NOTCH2NLB: variants seen among roughly 807,000 people sequenced by gnomAD.
NOTCH2NLB encodes the protein notch homolog 2 N-terminal-like protein B.
A neutral mutation model predicts 14.8 loss-of-function variants in NOTCH2NLB; 1 was observed. The observed-to-expected ratio is 0.07, with a 90% CI of 0.02 to 0.32. The LOEUF (loss-of-function observed/expected upper bound fraction) is 0.32, where lower values mean the gene tolerates loss of function less well. NOTCH2NLB is among the 10% of genes least tolerant of loss of function. The pLI, the probability that NOTCH2NLB is intolerant of heterozygous loss-of-function variation, is 1.00. For synonymous variants in NOTCH2NLB, 6 were observed against 57.5 expected (o/e 0.10, Z 4.05); for missense variants, 11 against 155.0 (o/e 0.07, Z 4.93).
downstream of NOTCH2NLB, among the ~76,000 whole-genome samples, chr1:148,602,273 AAAAAAAAG>A (rs1355824818): frequency 5.7e-5 from 4 of 69,684 alleles, no homozygotes; most frequent in African/African-American, 2.0e-4. Context: ...AAAAAAAAAA[AAAAAAAAG>A]AAAAGAAAAG....
At chr1:148,651,158 A>AT (rs1383778431) in intron 1 of NOTCH2NLB, among the ~76,000 whole-genome samples, 17 of 81,286 alleles carry the variant, frequency 2.1e-4, no homozygotes, top group African/African-American at 5.2e-4. Flanking sequence ...AAAAAAAAAA[A>AT]AAAAATATAT....
intron 3 of NOTCH2NLB, among the ~76,000 whole-genome samples, chr1:148,608,142 A>G (rs1429550628): frequency 7.4e-6 from 1 of 135,870 alleles, no homozygotes; most frequent in Non-Finnish European, 1.5e-5. Context: ...TAATTCCAGC[A>G]CTTTGGAAGG....
chr1:148,633,082 T>C lies in NOTCH2NLB; in HGVS notation c.77+6934A>G, dbSNP rs1664141344. ...ACTGTCTTTAAATTTAGAAATTACA[T>C]AAAGCAGTGTTTTAATCATATTCCT... is the stretch of plus-strand genomic sequence containing the variant. On this transcript the variant is annotated intron_variant, in intron 2 of 4. Coordinates refer to ENST00000593495, the Ensembl canonical transcript of NOTCH2NLB. Among the ~76,000 whole-genome samples the C allele has an allele frequency of 1.6e-5, 2 of 123,782 alleles. 1 individual carries two copies. The highest frequency in any genetic ancestry group is 1.5e-4 in the Admixed American group (2 of 13,004). The allele number at this position is 123,782 out of a possible 152,430, so 81.2% of individuals were successfully genotyped here. A position where few individuals can be genotyped will look rare whatever the true frequency, so the allele number is the denominator to read the frequency against.
chr1:148,626,229 A>AG (rs1663981984), intron 2 of NOTCH2NLB, among the ~76,000 whole-genome samples: 1 of 110,736 alleles, frequency 9.0e-6, no homozygotes, highest in Admixed American at 8.5e-5. Context: ...CCTGGTAAAG[A>AG]GGGGAAAAAA....
chr1:148,615,216 C>T (rs1663776162), intron 3 of NOTCH2NLB, among the ~76,000 whole-genome samples: 1 of 120,762 alleles, frequency 8.3e-6, no homozygotes, highest in Admixed American at 8.1e-5. Context: ...CTCACTGCAG[C>T]CTCAAACTCC....
chr1:148,674,756 T>C (rs1468136935), intron 1 of NOTCH2NLB, among the ~76,000 whole-genome samples: 3 of 111,288 alleles, frequency 2.7e-5, no homozygotes, highest in East Asian at 6.8e-4. Context: ...ATCAAAATCA[T>C]GTGGCAGAGA....
intron 1 of NOTCH2NLB, among the ~76,000 whole-genome samples, chr1:148,673,665 A>C (rs1164266923): frequency 6.6e-6 from 1 of 150,428 alleles, no homozygotes; most frequent in Non-Finnish European, 1.5e-5. Context: ...CAAAACAAAC[A>C]ACTTTACTAA....
chr1:148,605,267 A>G (rs1220516812), downstream of NOTCH2NLB, among the ~76,000 whole-genome samples: 1 of 136,734 alleles, frequency 7.3e-6, no homozygotes, highest in East Asian at 2.0e-4. Flanking sequence ...TCCAAACTTC[A>G]GTTACTTCAT....
chr1:148,650,910 T>G (rs1373786840), intron 1 of NOTCH2NLB, among the ~76,000 whole-genome samples: 1 of 114,582 alleles, frequency 8.7e-6, no homozygotes, highest in African/African-American at 3.2e-5. Flanking sequence ...GAGGCCGAGG[T>G]GGGCGGATCA....
chr1:148,701,347 CA>C, the NOTCH2NLB span, among the ~76,000 whole-genome samples: 1 of 135,552 alleles, frequency 7.4e-6, no homozygotes, highest in Non-Finnish European at 1.6e-5. Context: ...GTCTCCGATT[CA>C]CTGGCTCAAC....
intron 1 of NOTCH2NLB, among the ~76,000 whole-genome samples, chr1:148,661,393 A>G: frequency 6.7e-6 from 1 of 150,234 alleles, no homozygotes; most frequent in African/African-American, 2.4e-5. Context: ...AATCAGAGAT[A>G]CTTAATTCAG....
intron 1 of NOTCH2NLB, among the ~76,000 whole-genome samples, chr1:148,670,536 AAAAATATATATATATAC>A (rs1190230945): frequency 6.6e-5 from 3 of 45,194 alleles, no homozygotes; most frequent in Admixed American, 2.3e-4. Flanking sequence ...AACTAAAAAA[AAAAATATATATATATAC>A]ATATATATAT....
At chr1:148,651,156 AAAAAAAATATAT>A (rs1216491660) in intron 1 of NOTCH2NLB, among the ~76,000 whole-genome samples, 36 of 80,250 alleles carry the variant, frequency 4.5e-4, no homozygotes, top group African/African-American at 1.5e-3. Context: ...AAAAAAAAAA[AAAAAAAATATAT>A]ATATATATAT....
chr1:148,703,294 A>G, the NOTCH2NLB span, among the ~76,000 whole-genome samples: 1 of 133,600 alleles, frequency 7.5e-6, no homozygotes, highest in African/African-American at 2.6e-5. Flanking sequence ...TGTCTCAAAA[A>G]AAAAAAAAAT....
chr1:148,637,067 CTT>C lies in NOTCH2NLB; in HGVS notation c.77+2947_77+2948del, dbSNP rs1244676926. Among the ~76,000 whole-genome samples, 93 of 79,718 alleles carry C rather than the reference CTT, an allele frequency of 1.2e-3. 2 individuals carry two copies. The highest frequency in any genetic ancestry group is 1.1e-3 in the Non-Finnish European group (50 of 44,018). The allele number at this position is 79,718 out of a possible 152,430, so 52.3% of individuals were successfully genotyped here. On this transcript the variant is annotated intron_variant, in intron 2 of 4. Coordinates refer to ENST00000593495, the Ensembl canonical transcript of NOTCH2NLB. ...GACAGAATTTAGGCAGCTCCATTTT[CTT>C]TTTTTTTTTTTTTTTTGGAGACACA...
intron 1 of NOTCH2NLB, among the ~76,000 whole-genome samples, chr1:148,670,522 C>T (rs1664741344): frequency 2.4e-5 from 2 of 83,158 alleles, no homozygotes; most frequent in East Asian, 5.2e-4. Context: ...TAGATCTGTT[C>T]ATAAACTAAA....
At chr1:148,625,559 A>T (rs1663964228) in intron 2 of NOTCH2NLB, among the ~76,000 whole-genome samples, 1 of 111,512 alleles carries the variant, frequency 9.0e-6, no homozygotes, top group Non-Finnish European at 1.8e-5. Context: ...GCTGCTCCTC[A>T]TTAAAGCTCC....
At chr1:148,703,144 G>T in the NOTCH2NLB span, among the ~76,000 whole-genome samples, 1 of 29,014 alleles carries the variant, frequency 3.4e-5, no homozygotes, top group African/African-American at 1.2e-4. Flanking sequence ...CAAAAAATTA[G>T]CCGGGCATGG....
intron 2 of NOTCH2NLB, among the ~76,000 whole-genome samples, chr1:148,622,294 C>T (rs1663898885): frequency 9.2e-6 from 1 of 108,586 alleles, no homozygotes; most frequent in Non-Finnish European, 1.8e-5. Context: ...GGCATGAACC[C>T]AGAAGTTGGA....
Sources: allele counts gnomAD v4.1 joint callset (sites outside exome capture counted in the v4.1 genomes callset), GRCh38; gene constraint gnomAD v4.1.1; transcripts MANE v1.5; gene names NCBI Gene and HGNC (gene_info 2026-07-23, HGNC 2026-07-21).